Variants in ZCCHC17 observed in about 807,000 individuals in gnomAD.
ZCCHC17 encodes the protein zinc finger CCHC-type containing 17.
In ZCCHC17, 18 loss-of-function variants were observed where a neutral mutation model predicts 30.6. The observed-to-expected ratio is 0.59, with a 90% confidence interval of 0.41 to 0.87. The LOEUF is 0.87. ZCCHC17 is among the 40% of genes least tolerant of loss of function. ZCCHC17 has a pLI of 0.00. For synonymous variants in ZCCHC17, 88 were observed against 92.4 expected (o/e 0.95, Z 0.27); for missense variants, 263 against 284.2 (o/e 0.93, Z 0.54).
At chr1:31,327,907 G>A (rs1218031912) in intron 3 of ZCCHC17, among the ~76,000 whole-genome samples, 1 of 152,112 alleles carries the variant, frequency 6.6e-6, no homozygotes, top group Non-Finnish European at 1.5e-5. Context: ...CTACTGTAAT[G>A]GGATGATTAA....
intron 3 of ZCCHC17, among the ~76,000 whole-genome samples, chr1:31,335,152 A>T (rs1394815785): frequency 6.6e-6 from 1 of 151,898 alleles, no homozygotes; most frequent in East Asian, 1.9e-4. Flanking sequence ...CTCAGTTTAT[A>T]CTCCCAGGGC....
chr1:31,351,794 T>G (rs1639479210), intron 7 of ZCCHC17, among the ~76,000 whole-genome samples: 1 of 152,180 alleles, frequency 6.6e-6, no homozygotes, highest in Non-Finnish European at 1.5e-5. Flanking sequence ...CTTCTGTTCA[T>G]TGTTGATTTC....
chr1:31,351,441 C>A (rs1639466806), intron 7 of ZCCHC17, among the ~76,000 whole-genome samples: 1 of 151,682 alleles, frequency 6.6e-6, no homozygotes, highest in Middle Eastern at 3.4e-3. Context: ...TAGGTCTGGG[C>A]ATTTTTTTTT....
intron 7 of ZCCHC17, among the ~76,000 whole-genome samples, chr1:31,351,386 A>G (rs138600460): frequency 0.017 from 2,520 of 152,000 alleles, 31 homozygotes; most frequent in Non-Finnish European, 0.025. Flanking sequence ...GTTTTAAAAA[A>G]TACATATTTG....
intron 6 of ZCCHC17, among the ~76,000 whole-genome samples, chr1:31,348,162 G>A (rs1639343041): frequency 6.6e-6 from 1 of 152,168 alleles, no homozygotes; most frequent in African/African-American, 2.4e-5. Flanking sequence ...GTTGGTTTTG[G>A]TGCAGCAGAA....
At chr1:31,326,598 G>T in intron 3 of ZCCHC17, among the ~76,000 whole-genome samples, 1 of 152,128 alleles carries the variant, frequency 6.6e-6, no homozygotes, top group African/African-American at 2.4e-5. Flanking sequence ...GACACTTTGG[G>T]GACTGTGTGG....
At chr1:31,316,200 C>G (rs1488328210) in intron 2 of ZCCHC17, among the ~76,000 whole-genome samples, 1 of 152,154 alleles carries the variant, frequency 6.6e-6, no homozygotes, top group Admixed American at 6.5e-5. Flanking sequence ...CTCCTGTGTT[C>G]AAACGATTTT....
At chr1:31,344,456 G>A (rs531151614) in intron 5 of ZCCHC17, among the ~76,000 whole-genome samples, 16 of 152,248 alleles carry the variant, frequency 1.1e-4, no homozygotes, top group Middle Eastern at 3.4e-3. Flanking sequence ...TAGCACTGGC[G>A]TTATCCACTT....
At chr1:31,350,002 G>C (rs1639412610) in intron 7 of ZCCHC17, among the ~76,000 whole-genome samples, 1 of 152,112 alleles carries the variant, frequency 6.6e-6, no homozygotes, top group Admixed American at 6.5e-5. Flanking sequence ...TCTGTCCCTA[G>C]CAGTGTATCA....
chr1:31,336,380 A>G (rs1405553368), intron 3 of ZCCHC17, among the ~76,000 whole-genome samples: 1 of 152,224 alleles, frequency 6.6e-6, no homozygotes, highest in Non-Finnish European at 1.5e-5. Context: ...CATCAAAGAT[A>G]AACATCTTTA....
intron 3 of ZCCHC17, among the ~76,000 whole-genome samples, chr1:31,334,067 A>T: frequency 6.6e-6 from 1 of 152,180 alleles, no homozygotes; most frequent in African/African-American, 2.4e-5. Context: ...CATTTGCATG[A>T]ATTTCACCAA....
At chr1:31,334,355 G>C (rs1273363281) in intron 3 of ZCCHC17, among the ~76,000 whole-genome samples, 8,436 of 131,318 alleles carry the variant, frequency 0.064, 722 homozygotes, top group African/African-American at 0.21. Context: ...GTGTGTGTGT[G>C]TGTGTGTGTG....
intron 2 of ZCCHC17, chr1:31,318,186 G>T: frequency 6.5e-7 from 1 of 1,535,342 alleles, no homozygotes; most frequent in Non-Finnish European, 8.7e-7. Flanking sequence ...AGCTGAAACA[G>T]TGCTCAAGAT....
chr1:31,342,983 G>A (rs1044851096), intron 5 of ZCCHC17, among the ~76,000 whole-genome samples: 5 of 152,224 alleles, frequency 3.3e-5, no homozygotes, highest in African/African-American at 1.2e-4. Flanking sequence ...AAGGAAAGAA[G>A]AGGATATGGT....
chr1:31,363,065 T>C (rs1639979764), intron 7 of ZCCHC17, among the ~76,000 whole-genome samples: 1 of 152,238 alleles, frequency 6.6e-6, no homozygotes, highest in Admixed American at 6.5e-5. Context: ...ATGTATATGT[T>C]ATACGCACTG....
chr1:31,346,257 G>C (rs561100570), intron 5 of ZCCHC17, among the ~76,000 whole-genome samples: 2 of 152,252 alleles, frequency 1.3e-5, no homozygotes, highest in Admixed American at 1.3e-4. Flanking sequence ...GTAAAGATGA[G>C]GCTGGAAAAG....
intron 6 of ZCCHC17, among the ~76,000 whole-genome samples, chr1:31,348,342 C>A (rs1639349280): frequency 6.6e-6 from 1 of 152,104 alleles, no homozygotes; most frequent in Non-Finnish European, 1.5e-5. Flanking sequence ...GTTCAGTGCC[C>A]CTAGGTGACT....
chr1:31,327,064 G>C (rs1402895848), intron 3 of ZCCHC17, among the ~76,000 whole-genome samples: 1 of 152,150 alleles, frequency 6.6e-6, no homozygotes, highest in African/African-American at 2.4e-5. Flanking sequence ...ACCTAAGCTA[G>C]ATTTTCTTTC....
At chr1:31,360,378 A>G (rs1639830765) in intron 7 of ZCCHC17, among the ~76,000 whole-genome samples, 1 of 152,256 alleles carries the variant, frequency 6.6e-6, no homozygotes, top group Non-Finnish European at 1.5e-5. Flanking sequence ...CATGTTGGTC[A>G]GGCTAGTCTC....
Sources: allele counts gnomAD v4.1 joint callset (sites outside exome capture counted in the v4.1 genomes callset), GRCh38; gene constraint gnomAD v4.1.1; transcripts MANE v1.5; gene names NCBI Gene and HGNC (gene_info 2026-07-23, HGNC 2026-07-21).